Variants in PIP5K1C observed in about 807,000 individuals in gnomAD.
The protein encoded by PIP5K1C is phosphatidylinositol 4-phosphate 5-kinase type-1 gamma.
PIP5K1C carries 45 observed loss-of-function variants against 80.1 expected under a neutral mutation model. The ratio of observed to expected loss-of-function variants is 0.56; its 90% CI spans 0.44 to 0.72. The LOEUF (loss-of-function observed/expected upper bound fraction) is 0.72, where lower values mean the gene tolerates loss of function less well. PIP5K1C is among the 30% of genes least tolerant of loss of function. PIP5K1C has a pLI of 0.00. For missense variants in PIP5K1C, 753 were observed against 954.6 expected, an observed-to-expected ratio of 0.79 and a Z score of 2.78; for synonymous variants, 498 against 420.1, an observed-to-expected ratio of 1.19 and a Z score of -2.27.
intron 6 of PIP5K1C, among the ~76,000 whole-genome samples, chr19:3,655,878 T>C (rs1039733983): frequency 4.0e-5 from 6 of 151,758 alleles, no homozygotes; most frequent in Non-Finnish European, 5.9e-5. Flanking sequence ...CTACTCCTAC[T>C]CCCCCCTCCC....
chr19:3,658,176 C>T (rs762168761), intron 5 of PIP5K1C, among the ~76,000 whole-genome samples: 7 of 152,214 alleles, frequency 4.6e-5, no homozygotes, highest in South Asian at 4.1e-4. Context: ...GGCCAGGGAA[C>T]GGCGCCATCA....
intron 11 of PIP5K1C, among the ~76,000 whole-genome samples, chr19:3,644,713 G>A (rs1049942545): frequency 6.6e-6 from 1 of 152,208 alleles, no homozygotes; most frequent in Non-Finnish European, 1.5e-5. Context: ...AGGCTCACCC[G>A]CTGGCTGTGC....
At chr19:3,638,208 A>AC (rs2033788859) in intron 16 of PIP5K1C, among the ~76,000 whole-genome samples, 1 of 151,932 alleles carries the variant, frequency 6.6e-6, no homozygotes. Context: ...GGGAGTGGAG[A>AC]CGCTGCCTGG....
intron 1 of PIP5K1C, among the ~76,000 whole-genome samples, chr19:3,673,192 G>A (rs915815239): frequency 4.6e-5 from 7 of 152,148 alleles, no homozygotes; most frequent in South Asian, 2.1e-4. Context: ...GCACGCCAGC[G>A]CCACCCTGTG....
At position 3,643,350 on chromosome 19, in the gene PIP5K1C, A is replaced by T; in HGVS notation, c.1542T>A (p.Pro514=). ...GRPDLLPCTP[P]SFEEATTASI... ...AGGCTGTAGTGGCTTCTTCGAAAGA[A>T]GGTGGCGTGCAGGGCAGGAGGTCGG... Residue 514 remains proline (P), a synonymous_variant, in exon 13 of 18, where the codon CCT becomes CCA. Coordinates refer to ENST00000335312, the MANE Select transcript of PIP5K1C (RefSeq NM_012398.3). The T allele has an allele frequency of 6.2e-7, 1 of 1,613,832 alleles. No individual in the cohort carries two copies. The highest frequency in any genetic ancestry group is 8.5e-7 in the Non-Finnish European group (1 of 1,179,960).
chr19:3,643,084 G>A, intron 13 of PIP5K1C, 145 bp from the exon 14 acceptor site: 1 of 1,465,118 alleles, frequency 6.8e-7, no homozygotes, highest in Non-Finnish European at 9.5e-7. Context: ...CACATTGGAT[G>A]CTCCGCCCCC....
chr19:3,649,854 C>T (rs1442089244), intron 8 of PIP5K1C: 2 of 258,918 alleles, frequency 7.7e-6, no homozygotes, highest in Non-Finnish European at 1.5e-5. Flanking sequence ...TTAACTGTCA[C>T]CCGGCACCGT....
At chr19:3,677,761 A>AGGGAG (rs2035410054) in intron 1 of PIP5K1C, among the ~76,000 whole-genome samples, 1 of 84,952 alleles carries the variant, frequency 1.2e-5, no homozygotes, top group Non-Finnish European at 2.4e-5. Flanking sequence ...GGAGGGATGG[A>AGGGAG]GGATGGAGGA....
Position 3,637,789 on chromosome 19 carries a change from C to A in PIP5K1C, c.1920+1095G>T, listed in dbSNP as rs1164141144. The A allele has an allele frequency of 9.1e-5, 140 of 1,534,012 alleles. No homozygotes were observed. Among genetic ancestry groups the A allele is most frequent in the Middle Eastern group, 1.9e-4 (1 of 5,192 alleles). On this transcript the variant is annotated intron_variant, in intron 16 of 17. Transcript: ENST00000335312. This position sits in a 1 kb window ranked among gnomAD's most constrained non-coding sequence, Gnocchi z 7.0. ...CCGGGGCAGGGGCAGGACCGAGGAC[C>A]CTTCTCCCTTCTCTGCTGCCCACCT...
intron 16 of PIP5K1C, among the ~76,000 whole-genome samples, chr19:3,634,075 C>T (rs896884803): frequency 1.3e-5 from 2 of 152,038 alleles, no homozygotes; most frequent in African/African-American, 4.8e-5. Context: ...GACTGAGGCT[C>T]GGACCACCCA....
Position 3,639,012 on chromosome 19 carries a change from C to A in PIP5K1C, c.1792G>T (p.Glu598Ter). The change falls in exon 16 of 18, where the codon GAG becomes TAG. Residue 598 changes from glutamate to a stop codon, truncating the protein, a stop_gained. Transcript: ENST00000335312. LOFTEE classifies it high-confidence loss of function. ...VVPKEEDAGV[E>*]ASPAGASAAV... ...GCAGAGGCACCGGCCGGGGAAGCCT[C>A]CACCCTGGGGACAGGAGTAGACAGA... The A allele has an allele frequency of 6.2e-7, 1 of 1,610,734 alleles. No individual in the cohort carries two copies. The highest frequency in any genetic ancestry group is 8.5e-7 in the Non-Finnish European group (1 of 1,179,918).
chr19:3,685,106 A>G (rs1600080992), intron 1 of PIP5K1C, among the ~76,000 whole-genome samples: 1 of 152,364 alleles, frequency 6.6e-6, no homozygotes, highest in African/African-American at 2.4e-5. Context: ...CAGTGTGAAC[A>G]TCTGAAAAAG....
chr19:3,698,490 C>A (rs2145635984), intron 1 of PIP5K1C, among the ~76,000 whole-genome samples: 1 of 152,314 alleles, frequency 6.6e-6, no homozygotes, highest in South Asian at 2.1e-4. Flanking sequence ...AAAAAGCAAG[C>A]AGTTCACAGA....
intron 1 of PIP5K1C, among the ~76,000 whole-genome samples, chr19:3,678,163 G>C (rs1230572039): frequency 1.4e-5 from 2 of 141,020 alleles, no homozygotes; most frequent in Non-Finnish European, 3.1e-5. Flanking sequence ...TGGAGGGATG[G>C]AGAGATGGAG....
At chr19:3,659,445 C>T (rs181259213) in intron 5 of PIP5K1C, among the ~76,000 whole-genome samples, 3 of 152,248 alleles carry the variant, frequency 2.0e-5, no homozygotes, top group South Asian at 2.1e-4. Flanking sequence ...GGCCCCAGAT[C>T]GGCTTTTATC....
At chr19:3,647,261 G>A in intron 10 of PIP5K1C, 77 bp downstream of exon 10, 1 of 1,275,266 alleles carries the variant, frequency 7.8e-7, no homozygotes, top group Non-Finnish European at 1.1e-6. Context: ...GAGGGAGGAG[G>A]GATGGGAGGA....
At chr19:3,677,907 T>G (rs1389910705) in intron 1 of PIP5K1C, among the ~76,000 whole-genome samples, 143 of 13,338 alleles carry the variant, frequency 0.011, no homozygotes, top group Non-Finnish European at 0.013. Context: ...GGAGGAGGGA[T>G]GGAGGGATAA....
At position 3,642,669 on chromosome 19, in the gene PIP5K1C, C is replaced by T. The variant is rs192481609; in HGVS notation, c.1682+238G>A. On this transcript the variant is annotated intron_variant, in intron 14 of 17. Coordinates refer to ENST00000335312, the MANE Select transcript of PIP5K1C (RefSeq NM_012398.3). ...ATCTTGTTTTAAGTTAAAAAAAAAA[C>T]TTAATAGAAGAAGAAATAAGGAAGG... 6.6e-5 allele frequency among the ~76,000 whole-genome samples: 10 copies of T among 152,056 alleles called. No individual in the cohort carries two copies. The East Asian group carries it at 1.7e-3, about 26-fold the overall frequency.
chr19:3,697,430 A>G (rs2036157357), intron 1 of PIP5K1C, among the ~76,000 whole-genome samples: 1 of 149,816 alleles, frequency 6.7e-6, no homozygotes, highest in East Asian at 2.0e-4. Context: ...ACGGAGGAGG[A>G]CCGAGCTGTA....
Sources: gnomAD v4.1 joint callset for allele counts (sites outside exome capture counted in the v4.1 genomes callset) on GRCh38, gnomAD v4.1.1 for gene constraint, Gnocchi (gnomAD v3.1) non-coding constraint, MANE v1.5 for transcripts, NCBI Gene and HGNC (gene_info 2026-07-23, HGNC 2026-07-21) for gene names.